CEP104: variants seen among roughly 807,000 people sequenced by gnomAD.
The protein encoded by CEP104 is centrosomal protein 104.
A neutral mutation model predicts 113.3 loss-of-function variants in CEP104; 84 were observed. That is an observed-to-expected ratio of 0.74 (90% CI 0.62 to 0.89). The LOEUF (loss-of-function observed/expected upper bound fraction) is 0.89, where lower values mean the gene tolerates loss of function less well. Among genes scored for constraint, CEP104 ranks in the 40% least tolerant of loss-of-function variants. The pLI, the probability that CEP104 is intolerant of heterozygous loss-of-function variation, is 0.00. For missense variants in CEP104, 1,053 were observed against 1,156.6 expected, an observed-to-expected ratio of 0.91 and a Z score of 1.30; for synonymous variants, 378 against 421.7, an observed-to-expected ratio of 0.90 and a Z score of 1.27.
intron 6 of CEP104, chr1:3,843,301 A>T (rs1322656376): frequency 4.6e-6 from 3 of 648,340 alleles, no homozygotes; most frequent in Non-Finnish European, 8.5e-6. Flanking sequence ...CCAAAAGTGG[A>T]TTCACCCCCG....
intron 9 of CEP104, 62 bp from the exon 10 acceptor site, chr1:3,836,754 C>T: frequency 4.8e-6 from 7 of 1,450,046 alleles, no homozygotes; most frequent in Non-Finnish European, 4.8e-6. Flanking sequence ...TTCTCCAGTG[C>T]AACTCTCACT....
chr1:3,836,052 A>G (rs1440041197), intron 10 of CEP104, among the ~76,000 whole-genome samples: 1 of 151,860 alleles, frequency 6.6e-6, no homozygotes, highest in East Asian at 1.9e-4. Context: ...CTGTAATCCC[A>G]GCACTTTGGG....
intron 9 of CEP104, 112 bp downstream of exon 9, chr1:3,837,180 C>T (rs1223847480): frequency 1.1e-5 from 9 of 822,052 alleles, no homozygotes; most frequent in Non-Finnish European, 1.8e-5. Context: ...AGAGGTGGGT[C>T]TGGCTGGGGA....
At position 3,833,992 on chromosome 1, in the gene CEP104, T is replaced by C; in HGVS notation, c.1529A>G (p.Gln510Arg). The C allele has an allele frequency of 6.2e-7, 1 of 1,613,808 alleles. No homozygotes were observed. The highest frequency in any genetic ancestry group is 8.5e-7 in the Non-Finnish European group (1 of 1,179,666). ...ACTCAGTTTATGTTTAGGAATATAT[T>C]GTGTAATGATCATTTTCAACAATTT... is the stretch of plus-strand genomic sequence containing the variant. ...SLKLLKMIIT[Q>R]YIPKHKLSKL... The change falls in exon 12 of 22, where the codon CAA becomes CGA. Residue 510 changes from glutamine to arginine, a missense_variant. Physicochemically the swap from Gln to Arg is conservative, Grantham distance 43 (BLOSUM62 1). Coordinates refer to ENST00000378230, the MANE Select transcript of CEP104 (RefSeq NM_014704.4).
rs763727546 is a variant in CEP104, at chr1:3,818,178, C to T, written c.2572-1808G>A. ...AGGCTTCCTCCCCAGTGCATTTCTT[C>T]CCCAGCGCCTGGTTTGCCTTCTTCC... is the stretch of plus-strand genomic sequence containing the variant. On this transcript the variant is annotated intron_variant, in intron 20 of 21. Transcript: ENST00000378230. Among the ~76,000 whole-genome samples the T allele has an allele frequency of 3.5e-4, 53 of 152,356 alleles. No homozygotes were observed. In the Middle Eastern group the frequency reaches 0.017, roughly 49 times the overall value.
At chr1:3,836,048 T>G (rs1644302605) in intron 10 of CEP104, among the ~76,000 whole-genome samples, 1 of 150,532 alleles carries the variant, frequency 6.6e-6, no homozygotes, top group African/African-American at 2.4e-5. Context: ...ATGCCTGTAA[T>G]CCCAGCACTT....
At chr1:3,824,772 C>T (rs1226784593) in intron 18 of CEP104, among the ~76,000 whole-genome samples, 2 of 152,108 alleles carry the variant, frequency 1.3e-5, no homozygotes, top group East Asian at 3.9e-4. Context: ...CTCACCAAGA[C>T]AGCAGGAAGC....
At position 3,819,764 on chromosome 1, in the gene CEP104, T is replaced by A. The variant is rs1013364633; in HGVS notation, c.2572-3394A>T. Among the ~76,000 whole-genome samples, 6 of 152,172 alleles carry A rather than the reference T, an allele frequency of 3.9e-5. No homozygotes were observed. Among genetic ancestry groups the A allele is most frequent in the African/African-American group, 4.8e-5 (2 of 41,434 alleles). On this transcript the variant is annotated intron_variant, in intron 20 of 21. Coordinates refer to ENST00000378230, the MANE Select transcript of CEP104 (RefSeq NM_014704.4). The surrounding 1 kb of genome is among the most constrained non-coding windows in gnomAD (Gnocchi z 4.6). ...GGAACGCTGAAGAGAGAAAAAATAT[T>A]TGAAGAATGAACGGCAAAACAATTC...
intron 13 of CEP104, among the ~76,000 whole-genome samples, chr1:3,830,466 A>C (rs565377129): frequency 6.6e-6 from 1 of 152,100 alleles, no homozygotes; most frequent in East Asian, 1.9e-4. Context: ...TCTCCATCAC[A>C]CTGCTGTTAT....
At chr1:3,839,234 A>G (rs959231090) in intron 7 of CEP104, 115 bp from the exon 8 acceptor site, 6 of 922,660 alleles carry the variant, frequency 6.5e-6, no homozygotes, top group Middle Eastern at 2.2e-4. Flanking sequence ...GAGTGAGCAC[A>G]GGGAAATGGA....
Position 3,816,362 on chromosome 1 carries a change from T to C in CEP104, c.2580A>G (p.Lys860=), listed in dbSNP as rs1341114339. Reference sequence around the variant, plus strand: ...AGCCGGCTGGGCCCATCAGGTGAGCTTTCCATGCCTGCAGCAGAGGAGGCA... The same window carrying C: ...AGCCGGCTGGGCCCATCAGGTGAGCCTTCCATGCCTGCAGCAGAGGAGGCA... The part of the protein sequence containing the change: ...ENFSPGEEAW[K]AHLMGPAGCT... Residue 860 remains lysine, a synonymous_variant, in exon 21 of 22, where the codon AAA becomes AAG. Transcript: ENST00000378230. 1.9e-6 allele frequency: 3 copies of C among 1,551,426 alleles called. No individual in the cohort carries two copies. Among genetic ancestry groups the C allele is most frequent in the African/African-American group, 2.7e-5 (2 of 73,094 alleles).
chr1:3,838,727 G>A (rs542306676), intron 8 of CEP104, among the ~76,000 whole-genome samples: 5 of 152,294 alleles, frequency 3.3e-5, no homozygotes, highest in African/African-American at 1.2e-4. Flanking sequence ...GCAGGGCCTC[G>A]GTTTTCCTGA....
intron 11 of CEP104, 90 bp downstream of exon 11, chr1:3,834,835 G>T: frequency 5.8e-6 from 7 of 1,216,056 alleles, no homozygotes; most frequent in Non-Finnish European, 8.0e-6. Context: ...ATGACCAACT[G>T]GTCCTCTCTC....
intron 6 of CEP104, among the ~76,000 whole-genome samples, chr1:3,840,928 C>G (rs1054844822): frequency 6.6e-6 from 1 of 152,162 alleles, no homozygotes; most frequent in Non-Finnish European, 1.5e-5. Context: ...TGGTGTCAAC[C>G]ATCATATCCT....
chr1:3,825,716 C>T (rs1441425088), intron 18 of CEP104, 42 bp downstream of exon 18: 4 of 1,274,726 alleles, frequency 3.1e-6, no homozygotes, highest in Non-Finnish European at 3.4e-6. Flanking sequence ...GCCAGGTGTT[C>T]CCGCTCATGC....
In CEP104 at chr1:3,833,141, C is replaced by T. The variant is rs375088494; in HGVS notation, c.1659+721G>A. ...GACGACAGGCACGCACCACCACACC[C>T]GGCTAATTTTTGGATTTTTAGTACA... On this transcript the variant is annotated intron_variant, in intron 12 of 21. Transcript: ENST00000378230. Among the ~76,000 whole-genome samples, 38 of 152,148 alleles carry T rather than the reference C, an allele frequency of 2.5e-4. No homozygotes were observed. The South Asian group carries it at 3.5e-3, about 14-fold the overall frequency.
chr1:3,819,102 C>T lies in CEP104; in HGVS notation c.2572-2732G>A, dbSNP rs1457572198. 6.6e-6 allele frequency among the ~76,000 whole-genome samples: 1 copy of T among 152,162 alleles called. No homozygotes were observed. The highest frequency in any genetic ancestry group is 2.4e-5 in the African/African-American group (1 of 41,450). On this transcript the variant is annotated intron_variant, in intron 20 of 21. Coordinates refer to ENST00000378230, the MANE Select transcript of CEP104 (RefSeq NM_014704.4). The surrounding 1 kb of genome is among the most constrained non-coding windows in gnomAD (Gnocchi z 4.6). ...AAAATTCCAGATGTTAGAATTAGCA[C>T]AAAAGGACTTTAAAGCAGATACCTA...
chr1:3,825,719 G>A (rs1371176554), intron 18 of CEP104, 39 bp downstream of exon 18: 8 of 1,311,004 alleles, frequency 6.1e-6, no homozygotes, highest in South Asian at 1.2e-5. Context: ...AGGTGTTCCC[G>A]CTCATGCAAG....
rs371214393 is a variant in CEP104, at chr1:3,823,286, C to T, written c.2504-45G>A. 23 of 1,611,698 alleles carry T rather than the reference C, an allele frequency of 1.4e-5. No individual in the cohort carries two copies. Among genetic ancestry groups the T allele is most frequent in the African/African-American group, 8.0e-5 (6 of 74,878 alleles). ...ACTCAGTCGCTCCCTGAATGACAGG[C>T]GACAAGACATGCTGCTGGCCTGCCC... On this transcript the variant is annotated intron_variant, in intron 19 of 21. Coordinates refer to ENST00000378230, the MANE Select transcript of CEP104 (RefSeq NM_014704.4). The surrounding 1 kb of genome is among the most constrained non-coding windows in gnomAD (Gnocchi z 4.1).
Sources: allele counts gnomAD v4.1 joint callset (sites outside exome capture counted in the v4.1 genomes callset), GRCh38; gene constraint gnomAD v4.1.1; non-coding constraint Gnocchi (gnomAD v3.1); transcripts MANE v1.5; gene names NCBI Gene and HGNC (gene_info 2026-07-23, HGNC 2026-07-21).